The following DNAH14 variants were observed in gnomAD, a reference collection of about 807,000 sequenced individuals.
The protein encoded by DNAH14 is axonemal beta dynein heavy chain 14.
In DNAH14, 478 loss-of-function variants were observed where a neutral mutation model predicts 520.9. The ratio of observed to expected loss-of-function variants is 0.92; its 90% CI spans 0.85 to 0.99. DNAH14 has a LOEUF of 0.99. DNAH14 is among the 50% of genes least tolerant of loss of function. The pLI, the probability that DNAH14 is intolerant of heterozygous loss-of-function variation, is 0.00. For synonymous variants in DNAH14, 1,581 were observed against 1,757.2 expected (o/e 0.90, Z 2.51); for missense variants, 4,831 against 5,234.5 (o/e 0.92, Z 2.38).
At chr1:225,392,598 C>A (rs748385558) in intron 84 of DNAH14, 147 bp downstream of exon 84, 1 of 900,064 alleles carries the variant, frequency 1.1e-6, no homozygotes, top group Non-Finnish European at 1.6e-6. Context: ...TGCTTCAAGT[C>A]CAAATGCCCT....
In DNAH14 at chr1:224,986,332, A is replaced by G. The variant is rs963674272; in HGVS notation, c.830+12179A>G. On this transcript the variant is annotated intron_variant, in intron 8 of 85. Coordinates refer to ENST00000682510, the MANE Select transcript of DNAH14 (RefSeq NM_001367479.1). ...CAAAGGCTTATTAAAAAAAAAAAAA[A>G]AAAAAAGAAAACTACAGGCCAATAT... 1.3e-5 allele frequency among the ~76,000 whole-genome samples: 2 copies of G among 151,076 alleles called. 1 individual carries two copies. The highest frequency in any genetic ancestry group is 4.2e-4 in the South Asian group (2 of 4,810).
intron 41 of DNAH14, among the ~76,000 whole-genome samples, chr1:225,222,925 C>T (rs547977394): frequency 2.9e-4 from 44 of 152,142 alleles, no homozygotes; most frequent in Non-Finnish European, 5.4e-4. Context: ...CAATGGGTCC[C>T]AGTAACATCT....
Position 225,051,645 on chromosome 1 carries a change from G to A in DNAH14, c.2274G>A (p.Val758=), listed in dbSNP as rs1255428221. The A allele has an allele frequency of 6.4e-7, 1 of 1,550,976 alleles. No homozygotes were observed. Among genetic ancestry groups the A allele is most frequent in the Non-Finnish European group, 8.7e-7 (1 of 1,146,516 alleles). The change falls in exon 17 of 86, where the codon GTG becomes GTA. Residue 758 remains valine, a synonymous_variant. Transcript: ENST00000682510. The part of the protein sequence containing the change: ...NRFRNYFRHI[V]NMAIEKRIGI... Reference sequence around the variant, plus strand: ...TCAGAAACTATTTTAGACATATTGTGAATATGGCCATTGAGAAGCGTATTG... The same window carrying A: ...TCAGAAACTATTTTAGACATATTGTAAATATGGCCATTGAGAAGCGTATTG...
chr1:225,074,607 A>G (rs1399321240), intron 17 of DNAH14, among the ~76,000 whole-genome samples: 3 of 152,012 alleles, frequency 2.0e-5, no homozygotes, highest in African/African-American at 7.2e-5. Flanking sequence ...CATGGAGAAC[A>G]CCAGCGGGGT....
intron 27 of DNAH14, among the ~76,000 whole-genome samples, chr1:225,135,585 T>C (rs560553118): frequency 1.2e-4 from 19 of 152,296 alleles, no homozygotes; most frequent in African/African-American, 3.8e-4. Flanking sequence ...GTGATCCTAT[T>C]ATGTGACCAA....
intron 15 of DNAH14, among the ~76,000 whole-genome samples, chr1:225,047,659 T>G (rs1476198427): frequency 3.3e-5 from 5 of 152,210 alleles, no homozygotes; most frequent in African/African-American, 1.2e-4. Context: ...TTAATTGCAT[T>G]ACTGTACATG....
intron 23 of DNAH14, among the ~76,000 whole-genome samples, chr1:225,111,407 T>C (rs1353206572): frequency 6.6e-6 from 1 of 152,118 alleles, no homozygotes; most frequent in Non-Finnish European, 1.5e-5. Flanking sequence ...CTTTTTATGG[T>C]TTTTGTCATG....
intron 66 of DNAH14, 122 bp downstream of exon 66, chr1:225,333,628 GT>G (rs1408017340): frequency 2.1e-6 from 2 of 932,996 alleles, no homozygotes; most frequent in Admixed American, 2.8e-5. Flanking sequence ...AAAATATTTT[GT>G]TAATAGTTTG....
intron 17 of DNAH14, among the ~76,000 whole-genome samples, chr1:225,063,469 G>A (rs1053358415): frequency 6.6e-5 from 10 of 152,066 alleles, no homozygotes; most frequent in African/African-American, 2.4e-4. Flanking sequence ...GGATGCGAAA[G>A]CCACAGACAT....
At chr1:224,969,621 GT>G in intron 7 of DNAH14, 4 of 260,526 alleles carry the variant, frequency 1.5e-5, no homozygotes, top group Non-Finnish European at 2.8e-5. Context: ...GTAGAGGTTG[GT>G]TTTTGTTGCA....
chr1:224,931,892 T>C (rs1008801586), intron 1 of DNAH14, among the ~76,000 whole-genome samples: 4 of 152,260 alleles, frequency 2.6e-5, no homozygotes, highest in African/African-American at 9.6e-5. Context: ...TCTTTGCTTT[T>C]GTGAATACTG....
At chr1:225,327,373 G>A (rs540941165) in intron 64 of DNAH14, among the ~76,000 whole-genome samples, 2 of 151,974 alleles carry the variant, frequency 1.3e-5, no homozygotes, top group African/African-American at 4.8e-5. Context: ...GTGTTAGCCA[G>A]GATGGTCTCG....
intron 42 of DNAH14, among the ~76,000 whole-genome samples, chr1:225,239,335 C>T (rs558845869): frequency 6.6e-6 from 1 of 152,224 alleles, no homozygotes; most frequent in East Asian, 1.9e-4. Flanking sequence ...CGGGGGATCT[C>T]CTGATCTGTG....
chr1:224,931,764 G>A (rs2058713689), intron 1 of DNAH14, among the ~76,000 whole-genome samples: 1 of 152,086 alleles, frequency 6.6e-6, no homozygotes, highest in Non-Finnish European at 1.5e-5. Context: ...TTCCATCTAT[G>A]TTACTGCAAA....
At chr1:225,244,180 G>A (rs980963708) in intron 43 of DNAH14, among the ~76,000 whole-genome samples, 4 of 152,092 alleles carry the variant, frequency 2.6e-5, no homozygotes, top group African/African-American at 9.7e-5. Flanking sequence ...TGGTGAACCA[G>A]CCTTGCATCC....
In DNAH14 at chr1:225,301,130, A is replaced by G. The variant is rs1558312625; in HGVS notation, c.8631+100A>G. 3 of 1,303,058 alleles carry G rather than the reference A, an allele frequency of 2.3e-6. No individual in the cohort carries two copies. The East Asian group carries it at 7.6e-5, about 33-fold the overall frequency. 80.7% of individuals were successfully genotyped at this position (1,303,058 alleles called of 1,614,324 possible). On this transcript the variant is annotated intron_variant, in intron 56 of 85. Transcript: ENST00000682510. ...TTCAAGTTGGATATAATTTCTTTAG[A>G]TCTTTATATGAGTTTTTAAGGTAAA...
chr1:225,115,702 G>A lies in DNAH14; in HGVS notation c.3868-1982G>A, dbSNP rs563423360. On this transcript the variant is annotated intron_variant, in intron 23 of 85. Coordinates refer to ENST00000682510, the MANE Select transcript of DNAH14 (RefSeq NM_001367479.1). ...ATAATAGCCGGTTTACCAAGTCATCGTTGAGATAAGCCTTCCAAATATTTC... is the reference window on the plus strand; with the variant it reads ...ATAATAGCCGGTTTACCAAGTCATCATTGAGATAAGCCTTCCAAATATTTC... Among the ~76,000 whole-genome samples, 36 of 152,300 alleles carry A rather than the reference G, an allele frequency of 2.4e-4. No homozygotes were observed. In the South Asian group the frequency reaches 3.1e-3, roughly 13 times the overall value.
chr1:224,976,227 A>G (rs1390353040), intron 8 of DNAH14, among the ~76,000 whole-genome samples: 10 of 152,174 alleles, frequency 6.6e-5, no homozygotes, highest in Non-Finnish European at 1.3e-4. Flanking sequence ...AGAGTTCTGT[A>G]GATGTCTATT....
rs201666115 is a variant in DNAH14 at position 225,335,037 on chromosome 1, TAC to T, written c.10080+1535_10080+1536del. Among the ~76,000 whole-genome samples, 1,130 of 149,042 alleles carry T rather than the reference TAC, an allele frequency of 7.6e-3. 11 individuals carry two copies. The highest frequency in any genetic ancestry group is 0.013 in the Non-Finnish European group (888 of 67,340). On this transcript the variant is annotated intron_variant, in intron 66 of 85. Transcript: ENST00000682510. Reference sequence around the variant, plus strand: ...TTATATGTATATATACATACATATATACACATATATACATATGTACATATATG... The same window carrying T: ...TTATATGTATATATACATACATATATACATATATACATATGTACATATATG...
Sources: gnomAD v4.1 joint callset for allele counts (sites outside exome capture counted in the v4.1 genomes callset) on GRCh38, gnomAD v4.1.1 for gene constraint, MANE v1.5 for transcripts, NCBI Gene and HGNC (gene_info 2026-07-23, HGNC 2026-07-21) for gene names.